The following CLIP2 variants were observed in gnomAD, a reference collection of about 807,000 sequenced individuals.
The protein encoded by CLIP2 is CAP-Gly domain-containing linker protein 2.
CLIP2 carries 41 observed loss-of-function variants against 111.7 expected under a neutral mutation model. The ratio of observed to expected loss-of-function variants is 0.37; its 90% CI spans 0.29 to 0.48. The LOEUF (loss-of-function observed/expected upper bound fraction) is 0.48, where lower values mean the gene tolerates loss of function less well. Ranked by LOEUF, CLIP2 falls within the 20% of genes least tolerant of loss-of-function variation. CLIP2 has a pLI of 0.99. For synonymous variants in CLIP2, 660 were observed against 644.2 expected (o/e 1.02, Z -0.37); for missense variants, 1,160 against 1,422.1 (o/e 0.82, Z 2.96).
At chr7:74,382,756 G>A (rs1230973392) in intron 11 of CLIP2, among the ~76,000 whole-genome samples, 1 of 150,330 alleles carries the variant, frequency 6.7e-6, no homozygotes, top group East Asian at 1.9e-4. Flanking sequence ...TTTTTCTTAT[G>A]GTGGTGTTGG....
intron 14 of CLIP2, among the ~76,000 whole-genome samples, chr7:74,399,421 TCAG>T (rs1791552342): frequency 6.6e-6 from 1 of 151,928 alleles, no homozygotes; most frequent in Admixed American, 6.6e-5. Flanking sequence ...CCCTGCAGTA[TCAG>T]CTACTCGGGA....
At chr7:74,350,737 G>A (rs1789960808) in intron 3 of CLIP2, among the ~76,000 whole-genome samples, 1 of 151,850 alleles carries the variant, frequency 6.6e-6, no homozygotes, top group Non-Finnish European at 1.5e-5. Context: ...GTATCGTGGT[G>A]TGTTCTGTAA....
At chr7:74,357,517 C>A in intron 6 of CLIP2, 40 bp downstream of exon 6, 1 of 1,572,970 alleles carries the variant, frequency 6.4e-7, no homozygotes, top group South Asian at 1.2e-5. Context: ...CTTCTCCAGC[C>A]AGCCTCATAG....
rs782127193 is a variant in CLIP2 at position 74,386,474 on chromosome 7, T to C, written c.2480-47T>C. On this transcript the variant is annotated intron_variant, in intron 11 of 16. Transcript: ENST00000223398. Reference sequence around the variant, plus strand: ...GGGCCATGGCCCTACCCACTGCTGCTTTGGTCCAGGAGCATTGATGCTTCT... The same window carrying C: ...GGGCCATGGCCCTACCCACTGCTGCCTTGGTCCAGGAGCATTGATGCTTCT... 4 of 1,539,898 alleles carry C rather than the reference T, an allele frequency of 2.6e-6. No individual in the cohort carries two copies. The Admixed American group carries it at 6.9e-5, about 27-fold the overall frequency.
At chr7:74,299,821 C>G (rs1403491563) in intron 1 of CLIP2, among the ~76,000 whole-genome samples, 1 of 148,392 alleles carries the variant, frequency 6.7e-6, no homozygotes, top group Non-Finnish European at 1.5e-5. Context: ...GCCTCAGCCT[C>G]CCAAGTAGCT....
At chr7:74,295,713 G>C (rs1043757885) in intron 1 of CLIP2, among the ~76,000 whole-genome samples, 1 of 152,100 alleles carries the variant, frequency 6.6e-6, no homozygotes, top group Non-Finnish European at 1.5e-5. Context: ...AAAAGTAAAT[G>C]AGAAAATTAG....
At chr7:74,386,726 G>T in intron 12 of CLIP2, 122 bp downstream of exon 12, 1 of 672,290 alleles carries the variant, frequency 1.5e-6, no homozygotes, top group Non-Finnish European at 2.4e-6. Flanking sequence ...ACTCTGCTTT[G>T]AGAAGAAAAG....
At chr7:74,389,587 C>CT (rs1426120118) in intron 13 of CLIP2, among the ~76,000 whole-genome samples, 1 of 71,450 alleles carries the variant, frequency 1.4e-5, no homozygotes, top group Non-Finnish European at 2.9e-5. Flanking sequence ...ACCCCTATCT[C>CT]TAAAAAAAAA....
chr7:74,305,226 C>G (rs1411089478), intron 1 of CLIP2, among the ~76,000 whole-genome samples: 1 of 152,162 alleles, frequency 6.6e-6, no homozygotes, highest in Non-Finnish European at 1.5e-5. Flanking sequence ...TTGGCATTGC[C>G]AGGCCTTTTG....
rs191163609 is a variant in CLIP2 at position 74,291,264 on chromosome 7, C to G, written c.-68+1530C>G. Among the ~76,000 whole-genome samples, 14 of 152,222 alleles carry G rather than the reference C, an allele frequency of 9.2e-5. No homozygotes were observed. In the East Asian group the frequency reaches 2.7e-3, roughly 29 times the overall value. ...TGGGAGGAGCCTCCTCCACACACAC[C>G]TGTGTGCACCTGCAAACTCCAGCCC... On this transcript the variant is annotated intron_variant, in intron 1 of 16. Transcript: ENST00000223398.
intron 6 of CLIP2, among the ~76,000 whole-genome samples, chr7:74,359,331 C>T (rs1171649211): frequency 7.4e-6 from 1 of 134,736 alleles, no homozygotes; most frequent in Non-Finnish European, 1.6e-5. Context: ...TAATGTATGA[C>T]TGTCTACATT....
chr7:74,361,672 C>T (rs1300667178), intron 7 of CLIP2, among the ~76,000 whole-genome samples: 2 of 152,174 alleles, frequency 1.3e-5, no homozygotes, highest in African/African-American at 4.8e-5. Flanking sequence ...CACACGCCAT[C>T]ATGCCCAGCT....
intron 13 of CLIP2, among the ~76,000 whole-genome samples, chr7:74,396,816 C>T (rs1468417): frequency 0.79 from 120,692 of 152,102 alleles, 48,944 homozygotes; most frequent in Middle Eastern, 0.93. Context: ...CCACTGTGCT[C>T]TGCACTCCCC....
intron 3 of CLIP2, among the ~76,000 whole-genome samples, chr7:74,349,470 G>GTGTGTATA (rs1181485819): frequency 2.4e-4 from 8 of 33,780 alleles, no homozygotes; most frequent in African/African-American, 6.4e-4. Flanking sequence ...GTGTGTGTGT[G>GTGTGTATA]TATATATATA....
intron 1 of CLIP2, among the ~76,000 whole-genome samples, chr7:74,309,481 T>C (rs1554728190): frequency 6.6e-6 from 1 of 152,188 alleles, no homozygotes; most frequent in East Asian, 1.9e-4. Flanking sequence ...ATTCTGTGTA[T>C]ACGGTTTTGA....
At chr7:74,378,497 C>T (rs1442708949) in intron 10 of CLIP2, among the ~76,000 whole-genome samples, 16 of 151,958 alleles carry the variant, frequency 1.1e-4, no homozygotes, top group African/African-American at 7.2e-5. Flanking sequence ...TCCAGCATTT[C>T]GAGAGGCTGA....
At chr7:74,363,176 G>C (rs1790381195) in intron 7 of CLIP2, among the ~76,000 whole-genome samples, 1 of 151,978 alleles carries the variant, frequency 6.6e-6, no homozygotes. Flanking sequence ...CGCTAATTTT[G>C]TATTTTTAGT....
intron 1 of CLIP2, among the ~76,000 whole-genome samples, chr7:74,311,911 C>G (rs1554728565): frequency 1.0e-5 from 1 of 96,426 alleles, no homozygotes; most frequent in Admixed American, 1.2e-4. Flanking sequence ...GACCACATCT[C>G]AAGAATAAAA....
rs148589580 is a variant in CLIP2, at chr7:74,389,188, C to G, written c.2649C>G (p.Thr883=). 6.1e-4 allele frequency: 985 copies of G among 1,613,500 alleles called. 2 individuals are homozygous for G. Among genetic ancestry groups the G allele is most frequent in the Non-Finnish European group, 7.0e-4 (826 of 1,179,854 alleles). The change falls in exon 13 of 17, where the codon ACC becomes ACG. Residue 883 remains threonine (T), a synonymous_variant. Coordinates refer to ENST00000223398, the MANE Select transcript of CLIP2 (RefSeq NM_003388.5). ...EKRRLEAELE[T]VSRKTHDASG... ...GGCGCCTGGAGGCAGAGCTGGAGAC[C>G]GTGTCCCGGAAGACCCATGACGCCT...
Sources: allele counts gnomAD v4.1 joint callset (sites outside exome capture counted in the v4.1 genomes callset), GRCh38; gene constraint gnomAD v4.1.1; transcripts MANE v1.5; gene names NCBI Gene and HGNC (gene_info 2026-07-23, HGNC 2026-07-21).